Variants in MKLN1 observed in about 807,000 individuals in gnomAD.
The protein encoded by MKLN1 is muskelin.
In MKLN1, 18 loss-of-function variants were observed where a neutral mutation model predicts 99.0. The ratio of observed to expected loss-of-function variants is 0.18; its 90% CI spans 0.13 to 0.27. MKLN1 has a LOEUF of 0.27. MKLN1 is among the 10% of genes least tolerant of loss of function. The pLI, the probability that MKLN1 is intolerant of heterozygous loss-of-function variation, is 1.00. For synonymous variants in MKLN1, 288 were observed against 293.2 expected (o/e 0.98, Z 0.18); for missense variants, 621 against 875.9 (o/e 0.71, Z 3.67).
intron 1 of MKLN1, among the ~76,000 whole-genome samples, chr7:131,340,909 T>A (rs960892208): frequency 1.3e-5 from 2 of 152,136 alleles, no homozygotes; most frequent in African/African-American, 2.4e-5. Context: ...AGGGTGGAGG[T>A]ATTATATTTG....
At chr7:131,456,690 G>A (rs184784127) in intron 12 of MKLN1, among the ~76,000 whole-genome samples, 252 of 152,150 alleles carry the variant, frequency 1.7e-3, no homozygotes, top group Non-Finnish European at 2.7e-3. Context: ...ACCCTTGCCT[G>A]AAGGGTTTAA....
At chr7:131,226,777 T>C (rs1467555872) in intron 3 of MKLN1, among the ~76,000 whole-genome samples, 2 of 152,166 alleles carry the variant, frequency 1.3e-5, no homozygotes, top group Non-Finnish European at 2.9e-5. Flanking sequence ...TATCCTCTCA[T>C]TTGCTGTGTG....
chr7:131,420,661 C>T (rs574970165), intron 8 of MKLN1, among the ~76,000 whole-genome samples: 1 of 152,274 alleles, frequency 6.6e-6, no homozygotes, highest in South Asian at 2.1e-4. Context: ...ACTGTTCAAA[C>T]CATTATTACT....
chr7:131,192,234 TATAAATATATAAAATATA>T (rs1171733740), intron 2 of MKLN1, among the ~76,000 whole-genome samples: 26 of 90,420 alleles, frequency 2.9e-4, no homozygotes, highest in African/African-American at 1.2e-3. Flanking sequence ...ATATACAATA[TATAAATATATAAAATATA>T]ATATATACAA....
chr7:131,153,034 T>TATATA (rs34593474), intron 2 of MKLN1, among the ~76,000 whole-genome samples: 5 of 139,336 alleles, frequency 3.6e-5, no homozygotes, highest in South Asian at 2.2e-4. Flanking sequence ...TATATATATA[T>TATATA]TTTTTTTTTT....
intron 2 of MKLN1, among the ~76,000 whole-genome samples, chr7:131,202,647 G>A (rs545283476): frequency 6.6e-6 from 1 of 152,236 alleles, no homozygotes; most frequent in East Asian, 1.9e-4. Flanking sequence ...GATGCCAGTA[G>A]TACCTCCACT....
At chr7:131,118,172 C>T (rs979567543) in intron 1 of MKLN1, among the ~76,000 whole-genome samples, 21 of 152,194 alleles carry the variant, frequency 1.4e-4, no homozygotes, top group African/African-American at 5.1e-4. Flanking sequence ...TCTCTTGCTC[C>T]TGCTCACACC....
intron 2 of MKLN1, among the ~76,000 whole-genome samples, chr7:131,191,395 C>T (rs1186628783): frequency 6.6e-6 from 1 of 152,168 alleles, no homozygotes; most frequent in Non-Finnish European, 1.5e-5. Context: ...CTGAGTGATT[C>T]TCCAGTGTTG....
intron 1 of MKLN1, among the ~76,000 whole-genome samples, chr7:131,334,291 TCCTTTTCTC>T (rs1401912939): frequency 3.3e-5 from 5 of 152,200 alleles, no homozygotes; most frequent in African/African-American, 1.2e-4. Flanking sequence ...ATTATGCCCT[TCCTTTTCTC>T]CCTTTTCTCC....
chr7:131,300,812 C>A (rs1017180753), intron 3 of MKLN1, among the ~76,000 whole-genome samples: 2 of 151,958 alleles, frequency 1.3e-5, no homozygotes, highest in Non-Finnish European at 2.9e-5. Flanking sequence ...GTTCATAACT[C>A]TGTAGGTATT....
At chr7:131,436,176 C>A (rs1330835698) in intron 9 of MKLN1, among the ~76,000 whole-genome samples, 1 of 152,094 alleles carries the variant, frequency 6.6e-6, no homozygotes, top group Admixed American at 6.6e-5. Flanking sequence ...TTAAAGTGTA[C>A]ATTCACATCA....
chr7:131,278,475 G>C (rs1346066762), intron 3 of MKLN1, among the ~76,000 whole-genome samples: 1 of 152,088 alleles, frequency 6.6e-6, no homozygotes, highest in African/African-American at 2.4e-5. Flanking sequence ...TTTGAAGATG[G>C]GACCCAGGCA....
rs575975236 is a variant in MKLN1 at position 131,274,575 on chromosome 7, T to C, written c.-179+71601T>C. ...GGAGGATCACCTGAGTCCAAGCAGG[T>C]CAAGGCTGCAGTGAACCATGATTGC... On this transcript the variant is annotated intron_variant, in intron 3 of 7. Transcript: ENST00000416992. Among the ~76,000 whole-genome samples the C allele has an allele frequency of 9.5e-5, 14 of 146,692 alleles. No individual in the cohort carries two copies. In the Admixed American group the frequency reaches 1.0e-3, roughly 10 times the overall value.
chr7:131,294,027 A>T (rs775832212), intron 3 of MKLN1, among the ~76,000 whole-genome samples: 3 of 151,940 alleles, frequency 2.0e-5, no homozygotes, highest in Non-Finnish European at 4.4e-5. Flanking sequence ...CCCAGTCATG[A>T]CAATCAAAAA....
chr7:131,387,047 G>T, intron 2 of MKLN1, 73 bp from the exon 3 acceptor site: 1 of 1,369,910 alleles, frequency 7.3e-7, no homozygotes. Context: ...TCTGTTAACT[G>T]GCAATAGTTT....
At chr7:131,437,593 C>T (rs550182587) in intron 9 of MKLN1, among the ~76,000 whole-genome samples, 192 bp from the exon 10 acceptor site, 1 of 152,282 alleles carries the variant, frequency 6.6e-6, no homozygotes, top group Admixed American at 6.5e-5. Flanking sequence ...TCTCCTACTG[C>T]TTACTGCTTT....
At chr7:131,250,425 A>G (rs1468620095) in intron 3 of MKLN1, among the ~76,000 whole-genome samples, 2 of 152,192 alleles carry the variant, frequency 1.3e-5, no homozygotes, top group African/African-American at 2.4e-5. Flanking sequence ...AGAGGCTCCT[A>G]ACACATGGCC....
chr7:131,229,536 A>G lies in MKLN1; in HGVS notation c.-179+26562A>G, dbSNP rs6978529. Among the ~76,000 whole-genome samples, 978 of 150,986 alleles carry G rather than the reference A, an allele frequency of 6.5e-3. 17 individuals are homozygous for G. The highest frequency in any genetic ancestry group is 0.021 in the African/African-American group (878 of 41,122). On this transcript the variant is annotated intron_variant, in intron 3 of 7. Coordinates refer to the MKLN1 transcript ENST00000416992. The stretch of plus-strand genomic sequence containing the variant: ...AGATGGTCAATGTCTCTTTTCAGAC[A>G]TGTGTGTGTGTGTTGTTGTTGTTGT...
chr7:131,159,431 C>A (rs895313948), intron 2 of MKLN1, among the ~76,000 whole-genome samples: 4 of 152,110 alleles, frequency 2.6e-5, no homozygotes, highest in Non-Finnish European at 5.9e-5. Flanking sequence ...ATGGATGGAA[C>A]TGGAGGTCAT....
Sources: gnomAD v4.1 joint callset for allele counts (sites outside exome capture counted in the v4.1 genomes callset) on GRCh38, gnomAD v4.1.1 for gene constraint, MANE v1.5 for transcripts, NCBI Gene and HGNC (gene_info 2026-07-23, HGNC 2026-07-21) for gene names.